Variants in ADK observed in about 807,000 individuals in gnomAD.
ADK encodes N6,N6-dimethyladenosine kinase.
Under a neutral mutation model 44.7 loss-of-function variants are expected in ADK, and 24 were observed. That is an observed-to-expected ratio of 0.54 (90% CI 0.39 to 0.76). The LOEUF (loss-of-function observed/expected upper bound fraction) is 0.76. ADK is among the 30% of genes least tolerant of loss of function. The pLI, the probability that ADK is intolerant of heterozygous loss-of-function variation, is 0.00. For missense variants in ADK, 321 were observed against 425.1 expected (o/e 0.76, Z 2.15); for synonymous variants, 128 against 142.6 (o/e 0.90, Z 0.73).
At chr10:74,589,077 T>A (rs1851624875) in intron 7 of ADK, among the ~76,000 whole-genome samples, 1 of 152,116 alleles carries the variant, frequency 6.6e-6, no homozygotes, top group African/African-American at 2.4e-5. Context: ...ACTTGTGAAG[T>A]GTGTTGACAT....
chr10:74,511,569 A>G (rs150487085), intron 6 of ADK, among the ~76,000 whole-genome samples: 3 of 152,198 alleles, frequency 2.0e-5, no homozygotes, highest in East Asian at 3.9e-4. Context: ...GCTATTGTAA[A>G]TGAGGTTGCC....
intron 3 of ADK, among the ~76,000 whole-genome samples, chr10:74,293,102 G>A (rs1208377663): frequency 6.7e-6 from 1 of 148,676 alleles, no homozygotes; most frequent in Non-Finnish European, 1.5e-5. Flanking sequence ...GAAGGTTGAG[G>A]CTGCAGTGAG....
chr10:74,664,830 A>G (rs1854888433), intron 9 of ADK, among the ~76,000 whole-genome samples: 1 of 152,190 alleles, frequency 6.6e-6, no homozygotes, highest in African/African-American at 2.4e-5. Context: ...CGACGCAGCG[A>G]AACTCCATCT....
chr10:74,340,498 TAGA>T (rs1451769326), intron 4 of ADK, among the ~76,000 whole-genome samples: 1 of 152,180 alleles, frequency 6.6e-6, no homozygotes, highest in Non-Finnish European at 1.5e-5. Context: ...TGTAAGCAAG[TAGA>T]AATTAAAATG....
At chr10:74,355,911 C>T (rs967022152) in intron 4 of ADK, among the ~76,000 whole-genome samples, 20 of 149,720 alleles carry the variant, frequency 1.3e-4, no homozygotes, top group Admixed American at 1.2e-3. Context: ...AATCAATCCA[C>T]GGTAAGAAAC....
rs190868024 is a variant in ADK, at chr10:74,516,373, A to C, written c.556-8883A>C. On this transcript the variant is annotated intron_variant, in intron 6 of 10. Transcript: ENST00000539909. ...AGGTGCATCTTCATTCTATCAGTGCACCCCACTACTCTTCCTTCACACTCC... is the reference window on the plus strand; with the variant it reads ...AGGTGCATCTTCATTCTATCAGTGCCCCCCACTACTCTTCCTTCACACTCC... Among the ~76,000 whole-genome samples, 768 of 151,116 alleles carry C rather than the reference A, an allele frequency of 5.1e-3. 8 individuals carry two copies. Among genetic ancestry groups the C allele is most frequent in the Non-Finnish European group, 7.3e-3 (497 of 67,752 alleles).
intron 8 of ADK, among the ~76,000 whole-genome samples, chr10:74,593,862 GT>G (rs924682173): frequency 3.0e-4 from 46 of 152,268 alleles, no homozygotes; most frequent in African/African-American, 9.6e-4. Flanking sequence ...GGGCATTTGG[GT>G]TGGTTCCAAG....
At chr10:74,542,358 G>A (rs187392513) in intron 7 of ADK, among the ~76,000 whole-genome samples, 55 of 152,280 alleles carry the variant, frequency 3.6e-4, no homozygotes, top group Non-Finnish European at 6.5e-4. Flanking sequence ...AAGTTTTGGA[G>A]CAATTTGTTA....
intron 9 of ADK, among the ~76,000 whole-genome samples, chr10:74,648,885 G>C (rs942869791): frequency 1.3e-5 from 2 of 151,798 alleles, no homozygotes; most frequent in Non-Finnish European, 2.9e-5. Context: ...TAACCACTAA[G>C]AAAATAAGAA....
At chr10:74,187,102 T>A (rs908612723) in intron 1 of ADK, among the ~76,000 whole-genome samples, 9 of 152,116 alleles carry the variant, frequency 5.9e-5, no homozygotes, top group African/African-American at 2.2e-4. Context: ...TTCTTCACAA[T>A]GTTTGGCATT....
rs576815983 is a variant in ADK at position 74,448,883 on chromosome 10, A to T, written c.555+50304A>T. 1.4e-3 allele frequency among the ~76,000 whole-genome samples: 180 copies of T among 130,774 alleles called. 1 individual carries two copies. Among genetic ancestry groups the T allele is most frequent in the African/African-American group, 5.2e-3 (130 of 25,190 alleles). The allele number at this position is 130,774 out of a possible 152,430, so 85.8% of individuals were successfully genotyped here. A position where few individuals can be genotyped will look rare whatever the true frequency, so the allele number is the denominator to read the frequency against. The stretch of plus-strand genomic sequence containing the variant: ...TAACAGATAGTATACTGCCTTTTTT[A>T]AAAAAAAAAATGCCCACTTTTCAAA... On this transcript the variant is annotated intron_variant, in intron 6 of 10. Coordinates refer to ENST00000539909, the MANE Select transcript of ADK (RefSeq NM_006721.4).
At chr10:74,561,416 T>C (rs1253923889) in intron 7 of ADK, among the ~76,000 whole-genome samples, 1 of 152,188 alleles carries the variant, frequency 6.6e-6, no homozygotes, top group Non-Finnish European at 1.5e-5. Context: ...ACTAGGAGTC[T>C]GAGGTGAGGG....
At chr10:74,593,436 C>G (rs1241114470) in intron 8 of ADK, among the ~76,000 whole-genome samples, 5 of 150,644 alleles carry the variant, frequency 3.3e-5, no homozygotes, top group South Asian at 2.2e-4. Flanking sequence ...GCTATGATGG[C>G]TATGGAATGA....
chr10:74,270,364 A>C (rs1422112501), intron 3 of ADK, among the ~76,000 whole-genome samples: 1 of 152,252 alleles, frequency 6.6e-6, no homozygotes, highest in Non-Finnish European at 1.5e-5. Flanking sequence ...ACCAGAAAAA[A>C]ATAGTTAAAA....
intron 7 of ADK, 43 bp downstream of exon 7, chr10:74,525,469 G>A (rs1252260014): frequency 7.3e-7 from 1 of 1,368,950 alleles, no homozygotes; most frequent in African/African-American, 1.4e-5. Flanking sequence ...GGGGTTTTTT[G>A]TTTGTTTATT....
chr10:74,381,190 A>G (rs1223600617), intron 4 of ADK, among the ~76,000 whole-genome samples: 2 of 152,180 alleles, frequency 1.3e-5, no homozygotes, highest in Non-Finnish European at 2.9e-5. Flanking sequence ...TTGTTTTCTA[A>G]TTGTTTATTA....
chr10:74,177,021 T>G, intron 1 of ADK: 2 of 1,260,198 alleles, frequency 1.6e-6, no homozygotes, highest in South Asian at 2.5e-5. Flanking sequence ...GGGGGTTCCC[T>G]CCGCACTTTT....
chr10:74,481,888 A>T (rs1471398769), intron 6 of ADK, among the ~76,000 whole-genome samples: 1 of 152,240 alleles, frequency 6.6e-6, no homozygotes, highest in Non-Finnish European at 1.5e-5. Flanking sequence ...GTCTTAACTC[A>T]GGACAATACA....
At chr10:74,458,595 A>G (rs1163443479) in intron 6 of ADK, among the ~76,000 whole-genome samples, 1 of 152,106 alleles carries the variant, frequency 6.6e-6, no homozygotes, top group Non-Finnish European at 1.5e-5. Context: ...ATTATCGTTC[A>G]GTTTGGCTTT....
Sources: gnomAD v4.1 joint callset for allele counts (sites outside exome capture counted in the v4.1 genomes callset) on GRCh38, gnomAD v4.1.1 for gene constraint, MANE v1.5 for transcripts, NCBI Gene and HGNC (gene_info 2026-07-23, HGNC 2026-07-21) for gene names.